NOMO1: variants seen among roughly 807,000 people sequenced by gnomAD.
NOMO1 encodes nodal modulator 3.
NOMO1 carries 40 observed loss-of-function variants against 133.8 expected under a neutral mutation model. The ratio of observed to expected loss-of-function variants is 0.30; its 90% CI spans 0.23 to 0.39. The LOEUF (loss-of-function observed/expected upper bound fraction) is 0.39, where lower values mean the gene tolerates loss of function less well. NOMO1 is among the 10% of genes least tolerant of loss of function. The probability of loss-of-function intolerance (pLI) is 1.00; values close to 1 mark genes in which losing one functional copy is unlikely to be tolerated. For synonymous variants in NOMO1, 236 were observed against 570.5 expected (o/e 0.41, Z 8.36); for missense variants, 462 against 1,419.9 (o/e 0.33, Z 10.84).
At chr16:14,839,909 T>C (rs1451014272) in intron 2 of NOMO1, among the ~76,000 whole-genome samples, 3 of 148,032 alleles carry the variant, frequency 2.0e-5, no homozygotes, top group South Asian at 2.2e-4. Context: ...GCCCAGCTAA[T>C]TTTTTTTGTA....
chr16:14,878,110 C>A (rs1456298602), intron 22 of NOMO1, among the ~76,000 whole-genome samples: 3 of 151,596 alleles, frequency 2.0e-5, no homozygotes, highest in African/African-American at 7.3e-5. Flanking sequence ...ATATAACATG[C>A]CATTTTTATT....
intron 18 of NOMO1, among the ~76,000 whole-genome samples, chr16:14,874,372 G>A (rs1198111860): frequency 6.6e-6 from 1 of 151,806 alleles, no homozygotes; most frequent in East Asian, 1.9e-4. Context: ...ACATCTGAGT[G>A]AGCTTTCTCT....
chr16:14,886,908 T>C (rs1254795209), intron 28 of NOMO1, 46 bp downstream of exon 28: 2 of 1,580,700 alleles, frequency 1.3e-6, no homozygotes, highest in Non-Finnish European at 1.7e-6. Context: ...GTTTTAATAA[T>C]TCTGCTGTTT....
intron 3 of NOMO1, among the ~76,000 whole-genome samples, chr16:14,842,639 A>G (rs1963623179): frequency 6.6e-6 from 1 of 151,990 alleles, no homozygotes; most frequent in Non-Finnish European, 1.5e-5. Context: ...ATAAGATAGC[A>G]CTTCACCAGC....
At chr16:14,860,426 T>C (rs1225090299) in intron 11 of NOMO1, among the ~76,000 whole-genome samples, 2 of 151,742 alleles carry the variant, frequency 1.3e-5, no homozygotes, top group South Asian at 4.2e-4. Context: ...CATGGTACTT[T>C]AAAAAGTTTG....
chr16:14,868,479 G>T, intron 15 of NOMO1, 69 bp from the exon 16 acceptor site: 2 of 1,251,304 alleles, frequency 1.6e-6, no homozygotes, highest in Non-Finnish European at 2.3e-6. Flanking sequence ...TTTGGAAAGA[G>T]AAATATTATT....
chr16:14,882,767 C>T (rs1964263480), intron 26 of NOMO1, 90 bp downstream of exon 26: 1 of 1,605,028 alleles, frequency 6.2e-7, no homozygotes, highest in Non-Finnish European at 8.5e-7. Flanking sequence ...TGCCTTTCAT[C>T]TGTGGCGGGG....
At chr16:14,842,609 A>G (rs924319290) in intron 3 of NOMO1, among the ~76,000 whole-genome samples, 5 of 152,098 alleles carry the variant, frequency 3.3e-5, no homozygotes, top group Non-Finnish European at 5.9e-5. Flanking sequence ...GAACACACCC[A>G]TGTATCCACC....
intron 15 of NOMO1, among the ~76,000 whole-genome samples, 200 bp downstream of exon 15, chr16:14,866,891 T>C (rs935183788): frequency 2.7e-5 from 4 of 149,536 alleles, no homozygotes; most frequent in African/African-American, 1.0e-4. Flanking sequence ...ATTTAGGAGG[T>C]TTCCTTGTCC....
At chr16:14,841,835 A>G (rs975332531) in intron 3 of NOMO1, among the ~76,000 whole-genome samples, 8 of 151,546 alleles carry the variant, frequency 5.3e-5, no homozygotes, top group Admixed American at 2.0e-4. Flanking sequence ...TTTATGTCCC[A>G]TGAGATGAGA....
chr16:14,867,449 G>A (rs1426368480), intron 15 of NOMO1, among the ~76,000 whole-genome samples: 8 of 54,622 alleles, frequency 1.5e-4, no homozygotes, highest in South Asian at 1.4e-3. Flanking sequence ...GGATCCACCC[G>A]CGTTGGCCTC....
At chr16:14,883,246 C>G (rs981722279) in intron 26 of NOMO1, among the ~76,000 whole-genome samples, 4 of 151,748 alleles carry the variant, frequency 2.6e-5, no homozygotes, top group Non-Finnish European at 4.4e-5. Context: ...GGGGCTGCCT[C>G]TTAGTGGCTT....
At position 14,882,640 on chromosome 16, in the gene NOMO1, A is replaced by G; in HGVS notation, c.3074A>G (p.His1025Arg). The stretch of plus-strand genomic sequence containing the variant: ...CAGCTCAAGGCAGAAGGCAACGACC[A>G]CATTGAGCGGGCGCTCCCCCACCAT... ...HVQLKAEGND[H>R]IERALPHHRV... Residue 1025 changes from histidine (H) to arginine (R), a missense_variant, in exon 26 of 31, where the codon CAC (histidine) becomes CGC (arginine). By Grantham distance (29) the His-to-Arg change is conservative (BLOSUM62 0). Transcript: ENST00000287667. 2 of 1,611,648 alleles carry G rather than the reference A, an allele frequency of 1.2e-6. No individual in the cohort carries two copies. The highest frequency in any genetic ancestry group is 2.2e-5 in the South Asian group (2 of 90,948).
intron 18 of NOMO1, among the ~76,000 whole-genome samples, chr16:14,874,468 C>T (rs1425934810): frequency 6.6e-6 from 1 of 152,086 alleles, no homozygotes; most frequent in East Asian, 1.9e-4. Context: ...TTCCTTCAGA[C>T]CTTTGCTCAA....
intron 9 of NOMO1, 145 bp from the exon 10 acceptor site, chr16:14,857,072 G>T: frequency 9.5e-7 from 1 of 1,051,272 alleles, no homozygotes; most frequent in Non-Finnish European, 1.5e-6. Flanking sequence ...GAGCCTGGCT[G>T]GCACACAGGA....
intron 3 of NOMO1, among the ~76,000 whole-genome samples, chr16:14,841,960 T>A (rs538484815): frequency 6.6e-6 from 1 of 151,964 alleles, no homozygotes; most frequent in Admixed American, 6.6e-5. Flanking sequence ...CCCCACTGGG[T>A]ACTTGGACGA....
chr16:14,863,254 G>A, intron 12 of NOMO1, 67 bp downstream of exon 12: 1 of 1,431,716 alleles, frequency 7.0e-7, no homozygotes, highest in Non-Finnish European at 9.3e-7. Context: ...AGGGTTATTA[G>A]GTCGAATGGG....
chr16:14,884,960 T>C (rs1247638944), intron 27 of NOMO1, among the ~76,000 whole-genome samples: 1 of 151,986 alleles, frequency 6.6e-6, no homozygotes, highest in Non-Finnish European at 1.5e-5. Context: ...GGAAGCATAG[T>C]GGTGTCTGCT....
chr16:14,836,770 A>G lies in NOMO1; in HGVS notation c.166-1637A>G, dbSNP rs574314897. Among the ~76,000 whole-genome samples, 61 of 149,420 alleles carry G rather than the reference A, an allele frequency of 4.1e-4. 2 individuals carry two copies. In the South Asian group the frequency reaches 8.9e-3, roughly 22 times the overall value. Reference sequence around the variant, plus strand: ...CCGGACTGCAGACTGCAGTGGCACAATCTCGGCTCACTGCAAGCTCCGCTT... The same window carrying G: ...CCGGACTGCAGACTGCAGTGGCACAGTCTCGGCTCACTGCAAGCTCCGCTT... On this transcript the variant is annotated intron_variant, in intron 1 of 30. Coordinates refer to ENST00000287667, the MANE Select transcript of NOMO1 (RefSeq NM_014287.4).
Sources: gnomAD v4.1 joint callset for allele counts (sites outside exome capture counted in the v4.1 genomes callset) on GRCh38, gnomAD v4.1.1 for gene constraint, MANE v1.5 for transcripts, NCBI Gene and HGNC (gene_info 2026-07-23, HGNC 2026-07-21) for gene names.